The following NKAIN2 variants were observed in gnomAD, a reference collection of about 807,000 sequenced individuals.
The protein encoded by NKAIN2 is sodium/potassium transporting ATPase interacting 2.
A neutral mutation model predicts 32.6 loss-of-function variants in NKAIN2; 14 were observed. The ratio of observed to expected loss-of-function variants is 0.43; its 90% confidence interval spans 0.28 to 0.67. NKAIN2 has a LOEUF of 0.67. Ranked by LOEUF, NKAIN2 falls within the 30% of genes least tolerant of loss-of-function variation. The probability of loss-of-function intolerance (pLI) is 0.17; values close to 1 mark genes in which losing one functional copy is unlikely to be tolerated. For missense variants in NKAIN2, 198 were observed against 258.3 expected, an observed-to-expected ratio of 0.77 and a Z score of 1.60; for synonymous variants, 80 against 87.2, an observed-to-expected ratio of 0.92 and a Z score of 0.46.
intron 3 of NKAIN2, among the ~76,000 whole-genome samples, chr6:124,379,223 A>ACGG (rs1491481495): frequency 4.1e-4 from 1 of 2,446 alleles, no homozygotes; most frequent in Non-Finnish European, 8.5e-4. Context: ...GAAAGGAGGG[A>ACGG]AGAGGGGAGG....
chr6:123,890,280 C>T (rs1362823950), intron 1 of NKAIN2, among the ~76,000 whole-genome samples: 1 of 151,826 alleles, frequency 6.6e-6, no homozygotes, highest in Non-Finnish European at 1.5e-5. Context: ...CAGGCTCCTT[C>T]CTCTTTTAGT....
At position 124,277,879 on chromosome 6, in the gene NKAIN2, TA is replaced by T. The variant is rs376225223; in HGVS notation, c.55-5116del. 2.2e-4 allele frequency among the ~76,000 whole-genome samples: 33 copies of T among 148,482 alleles called. No homozygotes were observed. The South Asian group carries it at 3.6e-3, about 16-fold the overall frequency. On this transcript the variant is annotated intron_variant, in intron 1 of 6. Coordinates refer to ENST00000368417, the MANE Select transcript of NKAIN2 (RefSeq NM_001040214.3). ...GTTTACAGCCTTTAATAACACACCT[TA>T]AAAAAAAAACTCTGTTTCATCATCA...
At chr6:124,614,690 C>CCA (rs10641454) in intron 3 of NKAIN2, among the ~76,000 whole-genome samples, 2 of 97,356 alleles carry the variant, frequency 2.1e-5, no homozygotes, top group Non-Finnish European at 4.3e-5. Flanking sequence ...GTCCCAAAGA[C>CCA]CCCCCCAATT....
chr6:124,778,900 C>T (rs977031746), intron 4 of NKAIN2, among the ~76,000 whole-genome samples: 1 of 152,146 alleles, frequency 6.6e-6, no homozygotes, highest in Non-Finnish European at 1.5e-5. Context: ...AGTCAAAAAC[C>T]GATGAACATT....
At chr6:124,637,382 G>A (rs1037537968) in intron 3 of NKAIN2, among the ~76,000 whole-genome samples, 8 of 151,860 alleles carry the variant, frequency 5.3e-5, no homozygotes, top group Non-Finnish European at 1.0e-4. Flanking sequence ...GTACTAAAAT[G>A]TCTAGCAATT....
At chr6:124,303,730 A>G (rs1355868718) in intron 2 of NKAIN2, among the ~76,000 whole-genome samples, 1 of 152,232 alleles carries the variant, frequency 6.6e-6, no homozygotes, top group Non-Finnish European at 1.5e-5. Context: ...TCTGGAGACA[A>G]TATAAAGGGT....
At chr6:124,465,743 T>C (rs1308355918) in intron 3 of NKAIN2, among the ~76,000 whole-genome samples, 1 of 152,248 alleles carries the variant, frequency 6.6e-6, no homozygotes, top group Admixed American at 6.5e-5. Flanking sequence ...GTTAGAATGC[T>C]GTCAACCTGT....
intron 1 of NKAIN2, among the ~76,000 whole-genome samples, chr6:124,190,731 A>G (rs1202910785): frequency 6.6e-6 from 1 of 152,120 alleles, no homozygotes; most frequent in Non-Finnish European, 1.5e-5. Flanking sequence ...AGGGTGTTAG[A>G]CAAATTACAT....
At chr6:124,795,865 T>C (rs1779973491) in intron 5 of NKAIN2, among the ~76,000 whole-genome samples, 1 of 152,160 alleles carries the variant, frequency 6.6e-6, no homozygotes, top group African/African-American at 2.4e-5. Flanking sequence ...CTTACACCAT[T>C]ACATTGGTGA....
At chr6:124,263,631 A>G (rs1324819184) in intron 1 of NKAIN2, among the ~76,000 whole-genome samples, 2 of 152,234 alleles carry the variant, frequency 1.3e-5, no homozygotes, top group Admixed American at 1.3e-4. Context: ...GTCTTCTGTC[A>G]TACTAACAGG....
intron 1 of NKAIN2, among the ~76,000 whole-genome samples, chr6:123,845,160 T>A (rs1775038438): frequency 1.3e-5 from 2 of 152,226 alleles, no homozygotes; most frequent in African/African-American, 4.8e-5. Flanking sequence ...TCAATATATG[T>A]ACTTCTATTT....
At chr6:124,701,859 C>T (rs1406106682) in intron 4 of NKAIN2, among the ~76,000 whole-genome samples, 2 of 151,976 alleles carry the variant, frequency 1.3e-5, no homozygotes, top group Non-Finnish European at 2.9e-5. Context: ...CCTAATAGAA[C>T]ATGTTTTAAT....
chr6:123,869,530 C>T (rs539155903), intron 1 of NKAIN2, among the ~76,000 whole-genome samples: 18 of 152,182 alleles, frequency 1.2e-4, no homozygotes, highest in African/African-American at 2.6e-4. Flanking sequence ...ATAAGAACAC[C>T]ATGATTCGCC....
intron 3 of NKAIN2, among the ~76,000 whole-genome samples, chr6:124,616,433 C>CTTTTTTTTTTTTTTTTTTTTTTTTTTT (rs1562285900): frequency 1.5e-5 from 1 of 68,064 alleles, no homozygotes; most frequent in African/African-American, 7.4e-5. Flanking sequence ...TTTTTCTTTT[C>CTTTTTTTTTTTTTTTTTTTTTTTTTTT]TTTCTTTTTT....
intron 3 of NKAIN2, among the ~76,000 whole-genome samples, chr6:124,423,941 T>C (rs1774865638): frequency 6.6e-6 from 1 of 152,232 alleles, no homozygotes; most frequent in African/African-American, 2.4e-5. Flanking sequence ...GCAGCACGAA[T>C]AGACTAAGGC....
At chr6:124,212,813 G>A (rs1223471400) in intron 1 of NKAIN2, among the ~76,000 whole-genome samples, 1 of 151,954 alleles carries the variant, frequency 6.6e-6, no homozygotes, top group Admixed American at 6.6e-5. Flanking sequence ...TGATTCTTTT[G>A]TTGAGTATTC....
At chr6:123,821,053 T>C (rs1773901662) in intron 1 of NKAIN2, among the ~76,000 whole-genome samples, 1 of 152,212 alleles carries the variant, frequency 6.6e-6, no homozygotes, top group Non-Finnish European at 1.5e-5. Flanking sequence ...CCGAGGACAT[T>C]GATCAGGATT....
chr6:124,800,626 A>G (rs1464380184), intron 5 of NKAIN2, among the ~76,000 whole-genome samples: 1 of 152,242 alleles, frequency 6.6e-6, no homozygotes, highest in African/African-American at 2.4e-5. Context: ...CTTTGGTGCT[A>G]AAATCTTACT....
intron 3 of NKAIN2, among the ~76,000 whole-genome samples, chr6:124,653,233 C>T (rs2114405096): frequency 6.6e-6 from 1 of 152,036 alleles, no homozygotes; most frequent in Admixed American, 6.5e-5. Context: ...CCAATAACAC[C>T]TAACCTCAAG....
Sources: allele counts gnomAD v4.1 joint callset (sites outside exome capture counted in the v4.1 genomes callset), GRCh38; gene constraint gnomAD v4.1.1; transcripts MANE v1.5; gene names NCBI Gene and HGNC (gene_info 2026-07-23, HGNC 2026-07-21).